KHDRBS2: variants seen among roughly 807,000 people sequenced by gnomAD.
KHDRBS2 encodes KH domain-containing, RNA-binding, signal transduction-associated protein 2.
In KHDRBS2, 26 loss-of-function variants were observed where a neutral mutation model predicts 44.3. The ratio of observed to expected loss-of-function variants is 0.59; its 90% confidence interval spans 0.43 to 0.81. The LOEUF (loss-of-function observed/expected upper bound fraction) is 0.81. Ranked by LOEUF, KHDRBS2 falls within the 40% of genes least tolerant of loss-of-function variation. The probability of loss-of-function intolerance (pLI) is 0.00; values close to 1 mark genes in which losing one functional copy is unlikely to be tolerated. For missense variants in KHDRBS2, 476 were observed against 433.1 expected (o/e 1.10, Z -0.88); for synonymous variants, 194 against 151.1 (o/e 1.28, Z -2.08).
intron 3 of KHDRBS2, among the ~76,000 whole-genome samples, chr6:62,021,838 T>A (rs1264187626): frequency 6.6e-6 from 1 of 151,448 alleles, no homozygotes; most frequent in East Asian, 1.9e-4. Context: ...CTTTAGAGAC[T>A]AATTAATTGT....
intron 2 of KHDRBS2, among the ~76,000 whole-genome samples, chr6:62,144,277 A>G (rs1813468034): frequency 6.6e-6 from 1 of 151,972 alleles, no homozygotes; most frequent in African/African-American, 2.4e-5. Context: ...TTATAATCAC[A>G]CATTTTTCCT....
chr6:61,854,906 A>G (rs2127289060), intron 6 of KHDRBS2, among the ~76,000 whole-genome samples: 1 of 152,198 alleles, frequency 6.6e-6, no homozygotes, highest in East Asian at 1.9e-4. Context: ...TTGAAAGACC[A>G]TATATCTTCT....
the KHDRBS2 span, among the ~76,000 whole-genome samples, chr6:61,626,052 A>G: frequency 9.2e-5 from 14 of 152,344 alleles, no homozygotes; most frequent in African/African-American, 2.6e-4. Context: ...CTATTAATGA[A>G]GTATAGAGAA....
the KHDRBS2 span, among the ~76,000 whole-genome samples, chr6:61,577,121 C>T: frequency 7.6e-6 from 1 of 130,726 alleles, no homozygotes; most frequent in African/African-American, 3.0e-5. Context: ...AGGTCTCTAA[C>T]ACTCAGTTTT....
chr6:62,179,435 C>A (rs1821808394), intron 1 of KHDRBS2, among the ~76,000 whole-genome samples: 1 of 151,690 alleles, frequency 6.6e-6, no homozygotes, highest in African/African-American at 2.4e-5. Context: ...TTATTCCAAC[C>A]TTTCCATCCC....
chr6:61,776,518 C>T (rs1209319726), intron 6 of KHDRBS2, among the ~76,000 whole-genome samples: 1 of 152,096 alleles, frequency 6.6e-6, no homozygotes, highest in African/African-American at 2.4e-5. Context: ...ATTTATGCAG[C>T]AAAAGAACAC....
intron 2 of KHDRBS2, among the ~76,000 whole-genome samples, chr6:62,061,353 T>C (rs1037763011): frequency 6.6e-6 from 1 of 151,846 alleles, no homozygotes; most frequent in African/African-American, 2.4e-5. Context: ...TCAGGAGCTC[T>C]TTTAGGGCAG....
chr6:62,096,794 T>G (rs1800707534), intron 2 of KHDRBS2, among the ~76,000 whole-genome samples: 1 of 151,862 alleles, frequency 6.6e-6, no homozygotes, highest in Non-Finnish European at 1.5e-5. Flanking sequence ...TTCCTTGAGC[T>G]GCAACATTAG....
At chr6:62,284,355 T>C (rs1308209558) in intron 1 of KHDRBS2, among the ~76,000 whole-genome samples, 1 of 152,072 alleles carries the variant, frequency 6.6e-6, no homozygotes, top group Non-Finnish European at 1.5e-5. Context: ...ATAAAGAAAA[T>C]TCTGGAAAAT....
At chr6:62,031,489 A>G (rs1358698684) in intron 3 of KHDRBS2, among the ~76,000 whole-genome samples, 2 of 152,026 alleles carry the variant, frequency 1.3e-5, no homozygotes, top group African/African-American at 4.8e-5. Context: ...GGCATTTCTC[A>G]ACCTTCCCTG....
rs150850068 is a variant in KHDRBS2 at position 62,081,367 on chromosome 6, C to G, written c.220-33373G>C. Among the ~76,000 whole-genome samples the G allele has an allele frequency of 3.9e-3, 586 of 152,188 alleles. 2 individuals are homozygous for G. The highest frequency in any genetic ancestry group is 0.014 in the African/African-American group (566 of 41,546). On this transcript the variant is annotated intron_variant, in intron 2 of 8. Transcript: ENST00000281156. ...AAAGTAAAGTGTTATACTTGAAGGA[C>G]AGAGAGGATTTAAGTGTTTCCCTAA... is the stretch of plus-strand genomic sequence containing the variant.
At chr6:61,817,419 T>C (rs1004125009) in intron 6 of KHDRBS2, among the ~76,000 whole-genome samples, 4 of 152,058 alleles carry the variant, frequency 2.6e-5, no homozygotes, top group Admixed American at 1.3e-4. Context: ...ATTATAGAAA[T>C]ACTAAGCACT....
At chr6:61,594,818 T>C in the KHDRBS2 span, among the ~76,000 whole-genome samples, 3 of 152,140 alleles carry the variant, frequency 2.0e-5, no homozygotes, top group Non-Finnish European at 2.9e-5. Flanking sequence ...TTAATTTTGA[T>C]TTGTGAAATT....
chr6:61,732,253 T>C (rs1368081356), intron 7 of KHDRBS2, among the ~76,000 whole-genome samples: 1 of 152,156 alleles, frequency 6.6e-6, no homozygotes, highest in East Asian at 1.9e-4. Flanking sequence ...AAAGGAATTC[T>C]TGATTCCCTA....
chr6:61,895,034 A>G (rs531420399), intron 5 of KHDRBS2, among the ~76,000 whole-genome samples: 1 of 151,964 alleles, frequency 6.6e-6, no homozygotes, highest in Non-Finnish European at 1.5e-5. Context: ...GAAGACAATA[A>G]TTGTAAACAC....
intron 2 of KHDRBS2, among the ~76,000 whole-genome samples, chr6:62,051,515 G>A (rs568712230): frequency 6.6e-6 from 1 of 151,976 alleles, no homozygotes; most frequent in African/African-American, 2.4e-5. Flanking sequence ...TCAGTTGGCT[G>A]TATATGTTTA....
the KHDRBS2 span, among the ~76,000 whole-genome samples, chr6:61,674,630 T>C: frequency 2.6e-5 from 4 of 151,758 alleles, no homozygotes; most frequent in Admixed American, 6.6e-5. Context: ...CTTATATCAA[T>C]CATAAATCAT....
the KHDRBS2 span, among the ~76,000 whole-genome samples, chr6:61,591,935 C>A: frequency 6.6e-6 from 1 of 151,994 alleles, no homozygotes; most frequent in Non-Finnish European, 1.5e-5. Flanking sequence ...AACTATAACC[C>A]CAGTGCTTTG....
At chr6:61,637,244 T>G in the KHDRBS2 span, among the ~76,000 whole-genome samples, 4 of 151,356 alleles carry the variant, frequency 2.6e-5, no homozygotes, top group Non-Finnish European at 5.9e-5. Flanking sequence ...CCATGTGTTC[T>G]CATTGTTCAA....
Sources: allele counts gnomAD v4.1 joint callset (sites outside exome capture counted in the v4.1 genomes callset), GRCh38; gene constraint gnomAD v4.1.1; transcripts MANE v1.5; gene names NCBI Gene and HGNC (gene_info 2026-07-23, HGNC 2026-07-21).